TRAPPC9: variants seen among roughly 807,000 people sequenced by gnomAD.
TRAPPC9 encodes the protein trafficking protein particle complex subunit 9, also known as IKK2 binding protein.
A neutral mutation model predicts 124.0 loss-of-function variants in TRAPPC9; 83 were observed. The ratio of observed to expected loss-of-function variants is 0.67; its 90% CI spans 0.56 to 0.80. The LOEUF is 0.80. Among genes scored for constraint, TRAPPC9 ranks in the 30% least tolerant of loss-of-function variants. TRAPPC9 has a pLI of 0.00. For missense variants in TRAPPC9, 1,302 were observed against 1,508.3 expected (o/e 0.86, Z 2.27); for synonymous variants, 638 against 617.5 (o/e 1.03, Z -0.49).
chr8:139,742,650 GAGATGGGGCC>G lies in TRAPPC9; in HGVS notation c.3056-10458_3056-10449del, dbSNP rs562853929. On this transcript the variant is annotated intron_variant, in intron 21 of 22. Transcript: ENST00000438773. The surrounding 1 kb of genome is among the most constrained non-coding windows in gnomAD (Gnocchi z 4.7). Reference sequence around the variant, plus strand: ...ATGGACTCAGGAGTTAGGGAGCCAGGAGATGGGGCCAGATGGAGACCAGACCTTCAGGACA... The same window carrying G: ...ATGGACTCAGGAGTTAGGGAGCCAGGAGATGGAGACCAGACCTTCAGGACA... Among the ~76,000 whole-genome samples the G allele has an allele frequency of 8.5e-5, 13 of 152,292 alleles. No individual in the cohort carries two copies. Among genetic ancestry groups the G allele is most frequent in the African/African-American group, 2.9e-4 (12 of 41,558 alleles).
At chr8:139,948,221 C>T (rs1834390696) in intron 19 of TRAPPC9, among the ~76,000 whole-genome samples, 1 of 151,282 alleles carries the variant, frequency 6.6e-6, no homozygotes, top group Non-Finnish European at 1.5e-5. Context: ...GCCCTCCTTA[C>T]ACTGAGTGGG....
rs2064288206 is a variant in TRAPPC9 at position 140,257,303 on chromosome 8, C to A, written c.2279-4374G>T. 6.6e-6 allele frequency among the ~76,000 whole-genome samples: 1 copy of A among 152,226 alleles called. No individual in the cohort carries two copies. Among genetic ancestry groups the A allele is most frequent in the Non-Finnish European group, 1.5e-5 (1 of 68,034 alleles). On this transcript the variant is annotated intron_variant, in intron 15 of 22. Coordinates refer to ENST00000438773, the MANE Select transcript of TRAPPC9 (RefSeq NM_001160372.4). The surrounding 1 kb of genome is among the most constrained non-coding windows in gnomAD (Gnocchi z 4.6). ...CATTCACCGTGCCTCAGTCCTCTGG[C>A]AGCTCAGAACGCAGTTGCTGCCTCT...
At chr8:140,407,668 G>A (rs1588298024) in intron 5 of TRAPPC9, among the ~76,000 whole-genome samples, 1 of 152,256 alleles carries the variant, frequency 6.6e-6, no homozygotes, top group East Asian at 1.9e-4. Context: ...CAGTGGTACT[G>A]GAGTGCAGTG....
At chr8:139,786,449 A>C (rs1188008337) in intron 21 of TRAPPC9, among the ~76,000 whole-genome samples, 1 of 152,182 alleles carries the variant, frequency 6.6e-6, no homozygotes, top group East Asian at 1.9e-4. Flanking sequence ...ACTCTCGTGC[A>C]CTGCCAGTGG....
rs927671338 is a variant in TRAPPC9, at chr8:139,788,693, C to T, written c.3056-56491G>A. ...CTCCCTCCTGACGGCCACGCAGAGT[C>T]GAGTTACCATCACGCCTGCCTTCGT... On this transcript the variant is annotated intron_variant, in intron 21 of 22. Transcript: ENST00000438773. This position sits in a 1 kb window ranked among gnomAD's most constrained non-coding sequence, Gnocchi z 4.9. Among the ~76,000 whole-genome samples the T allele has an allele frequency of 3.9e-5, 6 of 152,190 alleles. No homozygotes were observed. The highest frequency in any genetic ancestry group is 3.9e-4 in the East Asian group (2 of 5,180).
At chr8:140,437,666 C>T (rs1299539913) in intron 3 of TRAPPC9, among the ~76,000 whole-genome samples, 9 of 152,206 alleles carry the variant, frequency 5.9e-5, no homozygotes. Context: ...TTCTACGGCA[C>T]CTCGTTAAAC....
chr8:139,760,120 G>C (rs566625399), intron 21 of TRAPPC9, among the ~76,000 whole-genome samples: 1 of 152,216 alleles, frequency 6.6e-6, no homozygotes, highest in Admixed American at 6.5e-5. Context: ...TGTGGGTGTG[G>C]AGCGTAGTGT....
At chr8:139,792,983 C>T (rs568951876) in intron 21 of TRAPPC9, among the ~76,000 whole-genome samples, 3 of 152,308 alleles carry the variant, frequency 2.0e-5, no homozygotes, top group African/African-American at 7.2e-5. Flanking sequence ...TCTTGGGGCC[C>T]ACAGGACTAG....
chr8:140,003,861 T>A (rs543227840), intron 18 of TRAPPC9, among the ~76,000 whole-genome samples: 1 of 152,168 alleles, frequency 6.6e-6, no homozygotes, highest in African/African-American at 2.4e-5. Context: ...AACTAGAGAA[T>A]TGAAAACTTA....
intron 2 of TRAPPC9, among the ~76,000 whole-genome samples, chr8:140,445,779 G>A (rs932301577): frequency 2.6e-5 from 4 of 152,242 alleles, no homozygotes; most frequent in Non-Finnish European, 5.9e-5. Flanking sequence ...GAAAGAAAGT[G>A]TTGGTACTTG....
chr8:139,752,890 T>A (rs1289590486), intron 21 of TRAPPC9, among the ~76,000 whole-genome samples: 5 of 140,476 alleles, frequency 3.6e-5, no homozygotes, highest in African/African-American at 1.1e-4. Context: ...CAACCATCCA[T>A]CCATCCACCC....
intron 17 of TRAPPC9, among the ~76,000 whole-genome samples, chr8:140,149,038 T>C (rs1311461869): frequency 6.6e-6 from 1 of 152,202 alleles, no homozygotes; most frequent in Admixed American, 6.5e-5. Flanking sequence ...AGCACAAGGC[T>C]TTTACATTTC....
In TRAPPC9 at chr8:140,108,146, G is replaced by A. The variant is rs1438871420; in HGVS notation, c.2557-84067C>T. ...GGGGCGGGGAGTTAAGAATTTCCCA[G>A]TACAGTCCTCTGTTTCCAAATAAGG... On this transcript the variant is annotated intron_variant, in intron 17 of 22. Coordinates refer to ENST00000438773, the MANE Select transcript of TRAPPC9 (RefSeq NM_001160372.4). Among the ~76,000 whole-genome samples, 4 of 152,252 alleles carry A rather than the reference G, an allele frequency of 2.6e-5. No individual in the cohort carries two copies. The East Asian group carries it at 5.8e-4, about 22-fold the overall frequency.
chr8:140,454,710 G>A (rs2071590721), intron 1 of TRAPPC9, among the ~76,000 whole-genome samples: 1 of 147,022 alleles, frequency 6.8e-6, no homozygotes, highest in African/African-American at 2.5e-5. Context: ...AGGCCAAGTC[G>A]AGTGGATCGC....
chr8:140,122,994 A>G (rs1308285483), intron 17 of TRAPPC9, among the ~76,000 whole-genome samples: 1 of 152,166 alleles, frequency 6.6e-6, no homozygotes, highest in African/African-American at 2.4e-5. Flanking sequence ...ATACATTTTT[A>G]TTTTTATTTA....
intron 18 of TRAPPC9, among the ~76,000 whole-genome samples, chr8:140,005,243 A>T (rs7461426): frequency 0.64 from 97,750 of 151,932 alleles, 32,011 homozygotes; most frequent in African/African-American, 0.78. Flanking sequence ...TCTAGATAAG[A>T]CTCAATGAGT....
At chr8:140,053,902 C>T (rs1295068053) in intron 17 of TRAPPC9, among the ~76,000 whole-genome samples, 1 of 152,164 alleles carries the variant, frequency 6.6e-6, no homozygotes, top group Non-Finnish European at 1.5e-5. Context: ...TTCACATTAG[C>T]AAAGTTACGA....
At chr8:139,964,381 A>G (rs949207603) in intron 19 of TRAPPC9, among the ~76,000 whole-genome samples, 2 of 151,968 alleles carry the variant, frequency 1.3e-5, no homozygotes, top group African/African-American at 4.8e-5. Flanking sequence ...TTCATAGCCA[A>G]CTCTGGAATG....
intron 17 of TRAPPC9, among the ~76,000 whole-genome samples, chr8:140,079,891 C>T (rs1474561438): frequency 6.6e-6 from 1 of 152,102 alleles, no homozygotes; most frequent in Non-Finnish European, 1.5e-5. Flanking sequence ...GATTGCACCA[C>T]TGCACTCCAG....
Sources: allele counts gnomAD v4.1 joint callset (sites outside exome capture counted in the v4.1 genomes callset), GRCh38; gene constraint gnomAD v4.1.1; non-coding constraint Gnocchi (gnomAD v3.1); transcripts MANE v1.5; gene names NCBI Gene and HGNC (gene_info 2026-07-23, HGNC 2026-07-21).